The following COL20A1 variants were observed in gnomAD, a reference collection of about 807,000 sequenced individuals.
COL20A1 encodes the protein collagen type XX alpha 1 chain.
In COL20A1, 164 loss-of-function variants were observed where a neutral mutation model predicts 152.9. The ratio of observed to expected loss-of-function variants is 1.07; its 90% CI spans 0.94 to 1.22. The LOEUF (loss-of-function observed/expected upper bound fraction) is 1.22. Among genes scored for constraint, COL20A1 ranks in the 50% most tolerant of loss-of-function variants. The probability of loss-of-function intolerance (pLI) is 0.00; values close to 1 mark genes in which losing one functional copy is unlikely to be tolerated. For synonymous variants in COL20A1, 864 were observed against 756.0 expected (o/e 1.14, Z -2.34); for missense variants, 1,873 against 1,744.8 (o/e 1.07, Z -1.31).
At chr20:63,328,976 G>A (rs969493908) in intron 34 of COL20A1, among the ~76,000 whole-genome samples, 1 of 152,156 alleles carries the variant, frequency 6.6e-6, no homozygotes, top group Non-Finnish European at 1.5e-5. Flanking sequence ...GTCATGACTT[G>A]GACGCTGAGA....
chr20:63,328,245 C>A, intron 33 of COL20A1, 86 bp from the exon 34 acceptor site: 1 of 1,553,790 alleles, frequency 6.4e-7, no homozygotes, highest in Non-Finnish European at 8.8e-7. Flanking sequence ...GTTAGCACAC[C>A]TGGGCCAGGT....
Position 63,311,341 on chromosome 20 carries a change from G to A in COL20A1, c.1394-53G>A. ...CTGGTGTGAGGGTGCCCCGTGCGTG[G>A]GTGTGATCTCTGTGTGGGCTCCTTC... On this transcript the variant is annotated intron_variant, in intron 11 of 35. Coordinates refer to ENST00000358894, the MANE Select transcript of COL20A1 (RefSeq NM_020882.4). This position sits in a 1 kb window ranked among gnomAD's most constrained non-coding sequence, Gnocchi z 4.4. 6.6e-7 allele frequency: 1 copy of A among 1,513,800 alleles called. No individual in the cohort carries two copies. The highest frequency in any genetic ancestry group is 8.9e-7 in the Non-Finnish European group (1 of 1,129,370). 93.8% of individuals were successfully genotyped at this position (1,513,800 alleles called of 1,614,324 possible). A position where few individuals can be genotyped will look rare whatever the true frequency, so the allele number is the denominator to read the frequency against.
At chr20:63,302,716 C>T (rs777965088) in intron 3 of COL20A1, among the ~76,000 whole-genome samples, 1 of 152,226 alleles carries the variant, frequency 6.6e-6, no homozygotes, top group African/African-American at 2.4e-5. Flanking sequence ...AATTTTTAAT[C>T]TAAAGCAGTT....
chr20:63,308,650 A>C lies in COL20A1; in HGVS notation c.884A>C (p.Asp295Ala). Residue 295 changes from aspartate to alanine, a missense_variant, in exon 8 of 36, where the codon GAT (aspartate) becomes GCT (alanine). Transcript: ENST00000358894. ...GTGACGGACGGCAAGTCCCAGGACG[A>C]TGTGCACACTGCTGCCCGTGTCCTC... ...ILVTDGKSQD[D>A]VHTAARVLKD... 6.2e-7 allele frequency: 1 copy of C among 1,608,092 alleles called. No individual in the cohort carries two copies. Among genetic ancestry groups the C allele is most frequent in the Non-Finnish European group, 8.5e-7 (1 of 1,177,832 alleles).
chr20:63,308,412 G>A (rs376107466), intron 7 of COL20A1, 130 bp from the exon 8 acceptor site: 20 of 940,450 alleles, frequency 2.1e-5, no homozygotes, highest in East Asian at 1.3e-4. Context: ...TGCTCCCTTG[G>A]GCTGCTGCGG....
chr20:63,326,398 G>A (rs3746383), intron 30 of COL20A1, among the ~76,000 whole-genome samples: 5 of 152,114 alleles, frequency 3.3e-5, no homozygotes, highest in African/African-American at 1.2e-4. Context: ...TTGGAGGGGG[G>A]TCTCCTGGCA....
chr20:63,325,045 C>T (rs922267976), intron 27 of COL20A1: 1 of 333,720 alleles, frequency 3.0e-6, no homozygotes, highest in Non-Finnish European at 5.8e-6. Flanking sequence ...CTTGGCTCTG[C>T]CATTCTCTAG....
chr20:63,318,391 CAG>C (rs148187289), intron 21 of COL20A1, among the ~76,000 whole-genome samples: 77,726 of 151,834 alleles, frequency 0.51, 23,471 homozygotes, highest in Non-Finnish European at 0.67. Flanking sequence ...CCAATTCTAT[CAG>C]GGGCCCGAGA....
chr20:63,320,389 C>T (rs758566399), intron 25 of COL20A1, 21 bp downstream of exon 25: 6 of 1,608,934 alleles, frequency 3.7e-6, no homozygotes, highest in Non-Finnish European at 5.1e-6. Context: ...TCCCTTGCCC[C>T]TGTTCCACGA....
At position 63,306,075 on chromosome 20, in the gene COL20A1, A is replaced by AG. The variant is rs2067922252; in HGVS notation, c.496+39dup. 1 of 1,540,766 alleles carries AG rather than the reference A, an allele frequency of 6.5e-7. No individual in the cohort carries two copies. Among genetic ancestry groups the AG allele is most frequent in the African/African-American group, 1.4e-5 (1 of 72,600 alleles). ...GTGGAGAGAGAGTAAGTCTCCGGGG[A>AG]GGGAGTGACCTTTGGTTTCCCACAT... On this transcript the variant is annotated intron_variant, in intron 5 of 35. Coordinates refer to ENST00000358894, the MANE Select transcript of COL20A1 (RefSeq NM_020882.4). This position sits in a 1 kb window ranked among gnomAD's most constrained non-coding sequence, Gnocchi z 6.9.
Position 63,325,728 on chromosome 20 carries a change from G to A in COL20A1, c.3402+7G>A, listed in dbSNP as rs1171780579. The A allele has an allele frequency of 1.2e-6, 2 of 1,611,368 alleles. No homozygotes were observed. ...TGGCCTCCAGGGACCAAAGGTGCCG[G>A]CTCTGGGCTTGGAGGGTTCTGTCAG... On this transcript the variant is annotated splice_region_variant and intron_variant, in intron 29 of 35. Transcript: ENST00000358894.
intron 33 of COL20A1, 81 bp downstream of exon 33, chr20:63,328,208 G>A: frequency 6.4e-7 from 1 of 1,569,056 alleles, no homozygotes. Flanking sequence ...ACACTGGCCA[G>A]GCCGAGGGAG....
In COL20A1 at chr20:63,329,575, T is replaced by C; in HGVS notation, c.3782-10T>C. 1 of 1,608,128 alleles carries C rather than the reference T, an allele frequency of 6.2e-7. No homozygotes were observed. Among genetic ancestry groups the C allele is most frequent in the South Asian group, 1.1e-5 (1 of 90,220 alleles). ...TGCTCCGTCCTCACATGCCCTCCCTTTCCTCGCAGGGGAGCCTGGAGCTGT... is the reference window on the plus strand; with the variant it reads ...TGCTCCGTCCTCACATGCCCTCCCTCTCCTCGCAGGGGAGCCTGGAGCTGT... On this transcript the variant is annotated splice_polypyrimidine_tract_variant and intron_variant, in intron 34 of 35. Transcript: ENST00000358894.
intron 21 of COL20A1, 103 bp downstream of exon 21, chr20:63,316,794 AGGCTGTGGGACAG>A: frequency 8.3e-7 from 1 of 1,201,328 alleles, no homozygotes; most frequent in South Asian, 1.6e-5. Flanking sequence ...GACCTCCTGG[AGGCTGTGGGACAG>A]GGCAGCGCTG....
chr20:63,326,897 C>G (rs1199580432), intron 31 of COL20A1, 74 bp downstream of exon 31: 2 of 1,064,322 alleles, frequency 1.9e-6, no homozygotes, highest in African/African-American at 1.7e-5. Flanking sequence ...CATGCAACCA[C>G]TCAGGGACTT....
rs372153240 is a variant in COL20A1 at position 63,307,662 on chromosome 20, C to G, written c.655+14C>G. The G allele has an allele frequency of 6.2e-7, 1 of 1,606,536 alleles. No individual in the cohort carries two copies. The highest frequency in any genetic ancestry group is 8.5e-7 in the Non-Finnish European group (1 of 1,175,768). ...AGGTCCAAGTAGGTGGGTGCTGGCCCGGCCCGCCTCCTGCCCCACCCGGGT... is the reference window on the plus strand; with the variant it reads ...AGGTCCAAGTAGGTGGGTGCTGGCCGGGCCCGCCTCCTGCCCCACCCGGGT... On this transcript the variant is annotated intron_variant, in intron 6 of 35. Transcript: ENST00000358894.
At chr20:63,318,348 G>A (rs1380769487) in intron 21 of COL20A1, among the ~76,000 whole-genome samples, 5 of 152,058 alleles carry the variant, frequency 3.3e-5, no homozygotes, top group Non-Finnish European at 7.4e-5. Context: ...AGAGTGAATG[G>A]AAGACAGATA....
chr20:63,319,280 AG>A lies in COL20A1; in HGVS notation c.2806+82del. 1.4e-6 allele frequency: 2 copies of A among 1,452,056 alleles called. No individual in the cohort carries two copies. Among genetic ancestry groups the A allele is most frequent in the East Asian group, 2.4e-5 (1 of 41,848 alleles). The allele number at this position is 1,452,056 out of a possible 1,614,324, so 89.9% of individuals were successfully genotyped here. ...CCCCAGAGCCCTGGGAGGCCTTCAGAGGAAGTCCAGCCTCCAGGCCAGGCCC... is the reference window on the plus strand; with the variant it reads ...CCCCAGAGCCCTGGGAGGCCTTCAGAGAAGTCCAGCCTCCAGGCCAGGCCC... On this transcript the variant is annotated intron_variant, in intron 22 of 35. Coordinates refer to ENST00000358894, the MANE Select transcript of COL20A1 (RefSeq NM_020882.4). The surrounding 1 kb of genome is among the most constrained non-coding windows in gnomAD (Gnocchi z 4.4).
chr20:63,315,185 AGATCCAGAG>A (rs1316612720), intron 19 of COL20A1, among the ~76,000 whole-genome samples: 33 of 152,248 alleles, frequency 2.2e-4, no homozygotes, highest in African/African-American at 7.7e-4. Flanking sequence ...TCACTCAGTG[AGATCCAGAG>A]GGGCAGGGAC....
Sources: gnomAD v4.1 joint callset for allele counts (sites outside exome capture counted in the v4.1 genomes callset) on GRCh38, gnomAD v4.1.1 for gene constraint, Gnocchi (gnomAD v3.1) non-coding constraint, MANE v1.5 for transcripts, NCBI Gene and HGNC (gene_info 2026-07-23, HGNC 2026-07-21) for gene names.